PCDH9: variants seen among roughly 807,000 people sequenced by gnomAD.
PCDH9 encodes protocadherin-9.
In PCDH9, 24 loss-of-function variants were observed where a neutral mutation model predicts 70.6. The observed-to-expected ratio is 0.34, with a 90% CI of 0.25 to 0.48. The LOEUF is 0.48. PCDH9 is among the 20% of genes least tolerant of loss of function. The pLI, the probability that PCDH9 is intolerant of heterozygous loss-of-function variation, is 0.99. For missense variants in PCDH9, 1,281 were observed against 1,503.6 expected (o/e 0.85, Z 2.45); for synonymous variants, 562 against 558.5 (o/e 1.01, Z -0.09).
rs1276928919 is a variant in PCDH9 at position 67,226,832 on chromosome 13, G to C, written c.1609C>G (p.Arg537Gly). 1 of 1,614,078 alleles carries C rather than the reference G, an allele frequency of 6.2e-7. No homozygotes were observed. Among genetic ancestry groups the C allele is most frequent in the Non-Finnish European group, 8.5e-7 (1 of 1,179,982 alleles). Residue 537 changes from arginine to glycine, a missense_variant, in exon 2 of 5, where the codon CGA becomes GGA. Coordinates refer to ENST00000377865, the MANE Select transcript of PCDH9 (RefSeq NM_203487.3). The surrounding 1 kb of genome is among the most constrained non-coding windows in gnomAD (Gnocchi z 5.0). ...SRVFDREEQE[R>G]FIFTVTARDN... ...CTGGCAGTTACTGTAAAAATGAATCGTTCTTGTTCTTCTCTGTCAAATACT... is the reference window on the plus strand; with the variant it reads ...CTGGCAGTTACTGTAAAAATGAATCCTTCTTGTTCTTCTCTGTCAAATACT...
intron 4 of PCDH9, among the ~76,000 whole-genome samples, chr13:66,483,188 C>T (rs1301886231): frequency 2.6e-5 from 4 of 152,168 alleles, no homozygotes; most frequent in Admixed American, 2.0e-4. Flanking sequence ...GTATGTTTGG[C>T]CTTGAAAGTG....
intron 3 of PCDH9, among the ~76,000 whole-genome samples, chr13:66,863,160 G>A (rs1205424366): frequency 1.3e-5 from 2 of 152,108 alleles, no homozygotes; most frequent in Non-Finnish European, 2.9e-5. Flanking sequence ...ACAAACAAAA[G>A]CAAGATACAA....
At chr13:67,195,115 A>G (rs910282619) in intron 2 of PCDH9, among the ~76,000 whole-genome samples, 11 of 152,004 alleles carry the variant, frequency 7.2e-5, no homozygotes, top group African/African-American at 2.7e-4. Context: ...CTCCTGGGAC[A>G]ATTAATAATG....
At chr13:66,373,019 C>T (rs940815022) in intron 4 of PCDH9, among the ~76,000 whole-genome samples, 10 of 151,896 alleles carry the variant, frequency 6.6e-5, no homozygotes, top group Non-Finnish European at 1.3e-4. Context: ...ATCTCATGGA[C>T]ATAGTTGTAA....
chr13:66,844,983 A>T (rs1051750195), intron 3 of PCDH9, among the ~76,000 whole-genome samples: 1 of 152,008 alleles, frequency 6.6e-6, no homozygotes, highest in Non-Finnish European at 1.5e-5. Flanking sequence ...GCTTGTCTGG[A>T]TGAGTCTGGG....
intron 4 of PCDH9, among the ~76,000 whole-genome samples, chr13:66,387,165 T>C (rs1956943904): frequency 6.6e-6 from 1 of 152,184 alleles, no homozygotes. Flanking sequence ...TTCTTAATTA[T>C]TGTTCCTCTC....
intron 2 of PCDH9, among the ~76,000 whole-genome samples, chr13:67,142,729 G>A (rs1343537831): frequency 2.0e-5 from 3 of 152,020 alleles, no homozygotes; most frequent in African/African-American, 7.2e-5. Context: ...TGCCAGGCCC[G>A]GTGGCTCATG....
chr13:66,717,762 T>C (rs1017237419), intron 3 of PCDH9, among the ~76,000 whole-genome samples: 1 of 151,986 alleles, frequency 6.6e-6, no homozygotes, highest in Non-Finnish European at 1.5e-5. Flanking sequence ...ATCTATGTAT[T>C]AACAATGTCA....
chr13:66,952,614 C>T (rs1012575119), intron 2 of PCDH9, among the ~76,000 whole-genome samples: 2 of 152,096 alleles, frequency 1.3e-5, no homozygotes, highest in African/African-American at 4.8e-5. Flanking sequence ...CAGTTATGTG[C>T]TATAACCTCC....
At position 66,799,469 on chromosome 13, in the gene PCDH9, T is replaced by C. The variant is rs139003632; in HGVS notation, c.3138+104035A>G. On this transcript the variant is annotated intron_variant, in intron 3 of 4. Coordinates refer to ENST00000377865, the MANE Select transcript of PCDH9 (RefSeq NM_203487.3). The stretch of plus-strand genomic sequence containing the variant: ...TCCCTGATGAGTCACCTTATAAGCA[T>C]ATGATCTACTTTACTAGCAAGGTGT... 1.1e-4 allele frequency among the ~76,000 whole-genome samples: 17 copies of C among 152,278 alleles called. No individual in the cohort carries two copies. In the East Asian group the frequency reaches 3.3e-3, roughly 29 times the overall value.
intron 3 of PCDH9, among the ~76,000 whole-genome samples, chr13:66,830,163 A>C (rs1011706564): frequency 2.0e-5 from 3 of 152,206 alleles, no homozygotes; most frequent in Admixed American, 6.5e-5. Flanking sequence ...TAATTTTAGT[A>C]ATAGAAGTAG....
chr13:67,020,764 T>G (rs1265432418), intron 2 of PCDH9, among the ~76,000 whole-genome samples: 2 of 152,210 alleles, frequency 1.3e-5, no homozygotes, highest in African/African-American at 2.4e-5. Context: ...AAGAGAATCA[T>G]CATCATAACA....
intron 3 of PCDH9, among the ~76,000 whole-genome samples, chr13:66,719,766 A>C (rs1248961402): frequency 6.6e-6 from 1 of 152,200 alleles, no homozygotes; most frequent in East Asian, 1.9e-4. Flanking sequence ...CCTTTCTTTA[A>C]ATAACTACAG....
At chr13:66,744,778 C>G (rs2079332627) in intron 3 of PCDH9, among the ~76,000 whole-genome samples, 2 of 152,076 alleles carry the variant, frequency 1.3e-5, no homozygotes, top group Admixed American at 1.3e-4. Flanking sequence ...GGTTTCTGGT[C>G]CCAGCTGGCC....
chr13:66,451,745 A>T (rs1322928112), intron 4 of PCDH9, among the ~76,000 whole-genome samples: 1 of 152,232 alleles, frequency 6.6e-6, no homozygotes, highest in Non-Finnish European at 1.5e-5. Flanking sequence ...TCTGGCAAAG[A>T]AAAATAAAAC....
intron 3 of PCDH9, among the ~76,000 whole-genome samples, chr13:66,872,827 G>T (rs2081721016): frequency 6.6e-6 from 1 of 152,034 alleles, no homozygotes. Flanking sequence ...CATACTCAAA[G>T]AACGTGCTCT....
At chr13:67,012,842 A>G (rs1305893290) in intron 2 of PCDH9, among the ~76,000 whole-genome samples, 2 of 152,006 alleles carry the variant, frequency 1.3e-5, no homozygotes, top group Admixed American at 1.3e-4. Context: ...ACTATATTAT[A>G]AAAGGCCCAG....
intron 2 of PCDH9, among the ~76,000 whole-genome samples, chr13:67,115,868 T>G (rs2138284627): frequency 6.6e-6 from 1 of 152,298 alleles, no homozygotes; most frequent in African/African-American, 2.4e-5. Flanking sequence ...ATGATAATAA[T>G]AATATATCCT....
intron 3 of PCDH9, among the ~76,000 whole-genome samples, chr13:66,782,495 A>C (rs929968941): frequency 3.3e-5 from 5 of 152,176 alleles, no homozygotes; most frequent in Non-Finnish European, 7.3e-5. Context: ...AAACTGAGAT[A>C]TGTGCTCTAA....
Sources: gnomAD v4.1 joint callset for allele counts (sites outside exome capture counted in the v4.1 genomes callset) on GRCh38, gnomAD v4.1.1 for gene constraint, Gnocchi (gnomAD v3.1) non-coding constraint, MANE v1.5 for transcripts, NCBI Gene and HGNC (gene_info 2026-07-23, HGNC 2026-07-21) for gene names.